Variants in KHDRBS2 observed in about 807,000 individuals in gnomAD.
KHDRBS2 encodes KH domain-containing, RNA-binding, signal transduction-associated protein 2.
In KHDRBS2, 26 loss-of-function variants were observed where a neutral mutation model predicts 44.3. The ratio of observed to expected loss-of-function variants is 0.59; its 90% CI spans 0.43 to 0.81. The LOEUF (loss-of-function observed/expected upper bound fraction) is 0.81. KHDRBS2 is among the 40% of genes least tolerant of loss of function. KHDRBS2 has a pLI of 0.00. For missense variants in KHDRBS2, 476 were observed against 433.1 expected (o/e 1.10, Z -0.88); for synonymous variants, 194 against 151.1 (o/e 1.28, Z -2.08).
At chr6:61,679,174 T>C (rs1766106737), downstream of KHDRBS2, among the ~76,000 whole-genome samples, 1 of 151,920 alleles carries the variant, frequency 6.6e-6, no homozygotes, top group Non-Finnish European at 1.5e-5. Context: ...AAAAACTGTA[T>C]TTAAAAGATT....
chr6:61,593,253 G>T, the KHDRBS2 span, among the ~76,000 whole-genome samples: 1 of 151,832 alleles, frequency 6.6e-6, no homozygotes, highest in African/African-American at 2.4e-5. Context: ...ATGTCAAGTT[G>T]TCTAGTTTCA....
intron 6 of KHDRBS2, among the ~76,000 whole-genome samples, chr6:61,760,287 A>G (rs1779085167): frequency 6.6e-6 from 1 of 152,214 alleles, no homozygotes; most frequent in Admixed American, 6.5e-5. Flanking sequence ...CCAAATTGTT[A>G]TTGATACTAG....
chr6:61,663,529 A>AG, the KHDRBS2 span, among the ~76,000 whole-genome samples: 1 of 125,570 alleles, frequency 8.0e-6, no homozygotes, highest in Non-Finnish European at 1.7e-5. Flanking sequence ...ATATATATGC[A>AG]GCTGGGACAT....
chr6:62,167,074 G>C (rs1818855544), intron 2 of KHDRBS2, among the ~76,000 whole-genome samples: 1 of 152,034 alleles, frequency 6.6e-6, no homozygotes, highest in Admixed American at 6.6e-5. Context: ...GCAGTCTTCA[G>C]TTTTCCAGTT....
chr6:62,135,176 T>C (rs1255152495), intron 2 of KHDRBS2, among the ~76,000 whole-genome samples: 3 of 152,164 alleles, frequency 2.0e-5, no homozygotes, highest in Non-Finnish European at 4.4e-5. Context: ...TGGGAGATAA[T>C]TGAATCATGG....
At chr6:61,735,234 C>T (rs1240349695) in intron 6 of KHDRBS2, among the ~76,000 whole-genome samples, 1 of 152,008 alleles carries the variant, frequency 6.6e-6, no homozygotes, top group Non-Finnish European at 1.5e-5. Context: ...CAATTATTGA[C>T]ATTTTGTCTC....
intron 6 of KHDRBS2, among the ~76,000 whole-genome samples, chr6:61,801,387 A>G (rs757582404): frequency 1.3e-4 from 20 of 152,158 alleles, no homozygotes; most frequent in Non-Finnish European, 2.6e-4. Context: ...AAGTAGTATG[A>G]GTTAGAGCTT....
At chr6:61,544,369 G>A in the KHDRBS2 span, among the ~76,000 whole-genome samples, 5 of 152,004 alleles carry the variant, frequency 3.3e-5, no homozygotes, top group Non-Finnish European at 5.9e-5. Flanking sequence ...TTATGGAACC[G>A]TTAATCTCAT....
chr6:61,616,644 A>G, the KHDRBS2 span, among the ~76,000 whole-genome samples: 7 of 152,188 alleles, frequency 4.6e-5, 1 homozygote, highest in Non-Finnish European at 1.0e-4. Flanking sequence ...AAACTTACAT[A>G]TATTGCACAT....
intron 3 of KHDRBS2, among the ~76,000 whole-genome samples, chr6:62,036,906 C>T (rs1256883532): frequency 1.3e-5 from 2 of 151,894 alleles, no homozygotes; most frequent in Non-Finnish European, 2.9e-5. Context: ...AGTATTATGA[C>T]ATAAAAGTAC....
At chr6:62,080,899 TC>T (rs1797263718) in intron 2 of KHDRBS2, among the ~76,000 whole-genome samples, 2 of 152,114 alleles carry the variant, frequency 1.3e-5, no homozygotes, top group African/African-American at 4.8e-5. Flanking sequence ...AGTATACAGC[TC>T]CCTTATGGCA....
intron 2 of KHDRBS2, among the ~76,000 whole-genome samples, chr6:62,104,205 C>T (rs552291497): frequency 2.6e-5 from 4 of 152,290 alleles, no homozygotes; most frequent in Admixed American, 2.6e-4. Flanking sequence ...CTTTAGAACA[C>T]TCTATTCAAA....
chr6:62,162,055 T>A (rs1401352734), intron 2 of KHDRBS2, among the ~76,000 whole-genome samples: 1 of 152,104 alleles, frequency 6.6e-6, no homozygotes, highest in Non-Finnish European at 1.5e-5. Flanking sequence ...TTACCAGCTT[T>A]TAAACCATTT....
intron 5 of KHDRBS2, among the ~76,000 whole-genome samples, chr6:61,895,589 G>A (rs57817009): frequency 0.01 from 1,579 of 152,262 alleles, 27 homozygotes; most frequent in African/African-American, 0.037. Context: ...ATACAAAATT[G>A]ACTTGCACTA....
chr6:61,879,869 C>T (rs182772059), intron 6 of KHDRBS2, among the ~76,000 whole-genome samples: 1 of 151,722 alleles, frequency 6.6e-6, no homozygotes, highest in Admixed American at 6.6e-5. Flanking sequence ...TTTATCTTCT[C>T]ATAGTATTAT....
intron 6 of KHDRBS2, among the ~76,000 whole-genome samples, chr6:61,780,426 G>A (rs1429656030): frequency 6.6e-6 from 1 of 152,162 alleles, no homozygotes; most frequent in Non-Finnish European, 1.5e-5. Flanking sequence ...CTTGAGCCTG[G>A]GAGGCAGAGG....
intron 1 of KHDRBS2, among the ~76,000 whole-genome samples, chr6:62,240,758 A>C (rs1237831460): frequency 7.1e-6 from 1 of 141,090 alleles, no homozygotes; most frequent in Admixed American, 7.4e-5. Context: ...CAAAACCTTT[A>C]CCATGGAAAT....
intron 6 of KHDRBS2, among the ~76,000 whole-genome samples, chr6:61,776,071 G>T (rs1277131308): frequency 6.6e-6 from 1 of 152,102 alleles, no homozygotes; most frequent in Non-Finnish European, 1.5e-5. Flanking sequence ...ATGGTGCTGG[G>T]AAAACTGGCT....
chr6:61,656,613 G>T, the KHDRBS2 span, among the ~76,000 whole-genome samples: 2 of 151,904 alleles, frequency 1.3e-5, no homozygotes, highest in Admixed American at 1.3e-4. Flanking sequence ...AAAAAGTCCA[G>T]ATTTGTAACA....
Sources: allele counts gnomAD v4.1 joint callset (sites outside exome capture counted in the v4.1 genomes callset), GRCh38; gene constraint gnomAD v4.1.1; transcripts MANE v1.5; gene names NCBI Gene and HGNC (gene_info 2026-07-23, HGNC 2026-07-21).